The following LNX1 variants were observed in gnomAD, a reference collection of about 807,000 sequenced individuals.
LNX1 encodes the protein E3 ubiquitin-protein ligase LNX.
In LNX1, 54 loss-of-function variants were observed where a neutral mutation model predicts 68.4. The observed-to-expected ratio is 0.79, with a 90% CI of 0.63 to 0.99. The LOEUF (loss-of-function observed/expected upper bound fraction) is 0.99. Among genes scored for constraint, LNX1 ranks in the 50% least tolerant of loss-of-function variants. LNX1 has a pLI of 0.00. For synonymous variants in LNX1, 336 were observed against 350.0 expected (o/e 0.96, Z 0.45); for missense variants, 906 against 926.4 (o/e 0.98, Z 0.29).
intron 9 of LNX1, 53 bp from the exon 10 acceptor site, chr4:53,461,646 G>C: frequency 7.3e-7 from 1 of 1,377,572 alleles, no homozygotes; most frequent in Admixed American, 1.9e-5. Flanking sequence ...ACAGTTAAGG[G>C]AATACTTACT....
At chr4:53,492,667 C>T (rs1300881937) in intron 6 of LNX1, among the ~76,000 whole-genome samples, 1 of 152,060 alleles carries the variant, frequency 6.6e-6, no homozygotes, top group African/African-American at 2.4e-5. Context: ...TCACTCAGAC[C>T]AGGTCAAAAT....
chr4:53,537,863 C>A (rs1728482953), intron 2 of LNX1, among the ~76,000 whole-genome samples: 1 of 152,226 alleles, frequency 6.6e-6, no homozygotes, highest in Non-Finnish European at 1.5e-5. Flanking sequence ...TCTGGTCCAG[C>A]CAGTTTGCTT....
chr4:53,554,869 C>T (rs907632739), intron 2 of LNX1, among the ~76,000 whole-genome samples: 1 of 144,100 alleles, frequency 6.9e-6, no homozygotes, highest in African/African-American at 2.7e-5. Flanking sequence ...AAAAAAAAAT[C>T]CTGCCTTGCC....
At chr4:53,620,802 G>A (rs1236940968), upstream of LNX1, among the ~76,000 whole-genome samples, 1 of 152,114 alleles carries the variant, frequency 6.6e-6, no homozygotes, top group Admixed American at 6.5e-5. Context: ...TTTGATGAGT[G>A]GGTGAATCAG....
At chr4:53,637,965 A>G (rs1363005267) in intron 1 of LNX1, among the ~76,000 whole-genome samples, 1 of 152,216 alleles carries the variant, frequency 6.6e-6, no homozygotes, top group Non-Finnish European at 1.5e-5. Context: ...CCCACTGTGT[A>G]TTCTTGAAAC....
chr4:53,631,784 G>A (rs2109872822), intron 1 of LNX1, among the ~76,000 whole-genome samples: 1 of 152,158 alleles, frequency 6.6e-6, no homozygotes, highest in Middle Eastern at 3.4e-3. Flanking sequence ...AAACCTGGCT[G>A]CAAACAGTCA....
At chr4:53,461,142 C>T (rs1722015272) in intron 10 of LNX1, 100 bp from the exon 11 acceptor site, 1 of 967,546 alleles carries the variant, frequency 1.0e-6, no homozygotes, top group Admixed American at 3.0e-5. Flanking sequence ...TACATCTGAC[C>T]ATTTTAATTA....
At chr4:53,550,602 G>A (rs1473241435) in intron 2 of LNX1, among the ~76,000 whole-genome samples, 1 of 152,216 alleles carries the variant, frequency 6.6e-6, no homozygotes, top group Non-Finnish European at 1.5e-5. Context: ...ATGAAGTGGG[G>A]AGGAAATGGA....
In LNX1 at chr4:53,617,381, C is replaced by T. The variant is rs374178802; in HGVS notation, c.-417G>A. 5.3e-5 allele frequency: 8 copies of T among 152,262 alleles called. No individual in the cohort carries two copies. In the East Asian group the frequency reaches 1.4e-3, roughly 26 times the overall value. The allele number at this position is 152,262 out of a possible 1,614,324, so 9.4% of individuals were successfully genotyped here. On this transcript the variant is annotated 5_prime_UTR_variant, in exon 1 of 4. Coordinates refer to the LNX1 transcript ENST00000504299. Reference sequence around the variant, plus strand: ...AGGCCAGACTAACCTGTGTTAGCAACTAGGATAATATCCAGAAAAGAAAAT... The same window carrying T: ...AGGCCAGACTAACCTGTGTTAGCAATTAGGATAATATCCAGAAAAGAAAAT...
At chr4:53,641,086 C>T (rs2109884626) in intron 1 of LNX1, among the ~76,000 whole-genome samples, 1 of 150,266 alleles carries the variant, frequency 6.7e-6, no homozygotes, top group Admixed American at 6.8e-5. Context: ...TGTGTGTATG[C>T]TTGTGTGTGT....
intron 1 of LNX1, among the ~76,000 whole-genome samples, chr4:53,633,793 G>A (rs1356117343): frequency 1.3e-5 from 2 of 152,164 alleles, no homozygotes; most frequent in African/African-American, 4.8e-5. Context: ...CAGGCACTAA[G>A]ATGAGAGTTT....
At chr4:53,620,197 C>T (rs180951113), upstream of LNX1, among the ~76,000 whole-genome samples, 1 of 152,190 alleles carries the variant, frequency 6.6e-6, no homozygotes, top group East Asian at 1.9e-4. Context: ...ATTTATCTAT[C>T]TACCTATCTA....
At chr4:53,480,760 G>C (rs1723858075) in intron 7 of LNX1, among the ~76,000 whole-genome samples, 1 of 152,068 alleles carries the variant, frequency 6.6e-6, no homozygotes, top group African/African-American at 2.4e-5. Flanking sequence ...TAAAAAATTT[G>C]AATATTGTTT....
At chr4:53,609,888 T>C (rs1392324486) in intron 2 of LNX1, among the ~76,000 whole-genome samples, 1 of 150,116 alleles carries the variant, frequency 6.7e-6, no homozygotes, top group Non-Finnish European at 1.5e-5. Context: ...CTATATAGCA[T>C]ATAATTTTTA....
At chr4:53,620,817 A>G (rs1051183889), upstream of LNX1, among the ~76,000 whole-genome samples, 17 of 152,190 alleles carry the variant, frequency 1.1e-4, no homozygotes, top group African/African-American at 3.6e-4. Flanking sequence ...AATCAGTGTT[A>G]GCTCACAGTG....
chr4:53,575,917 C>G (rs1335933434), intron 1 of LNX1: 1 of 1,572,460 alleles, frequency 6.4e-7, no homozygotes, highest in Admixed American at 1.8e-5. Flanking sequence ...AGAGGCTGTG[C>G]AGTGTCTTGG....
intron 6 of LNX1, among the ~76,000 whole-genome samples, chr4:53,487,500 A>G (rs1724385901): frequency 1.3e-5 from 2 of 152,194 alleles, no homozygotes; most frequent in Admixed American, 1.3e-4. Flanking sequence ...AAGTTAAGAA[A>G]GTTAAGAGTT....
At chr4:53,500,861 C>T (rs1281803941) in intron 4 of LNX1, among the ~76,000 whole-genome samples, 1 of 152,178 alleles carries the variant, frequency 6.6e-6, no homozygotes, top group Non-Finnish European at 1.5e-5. Flanking sequence ...GAAAAAAATT[C>T]ATTCTGAGCA....
At position 53,570,728 on chromosome 4, in the gene LNX1, A is replaced by C. The variant is rs1172794046; in HGVS notation, c.380+2895T>G. Among the ~76,000 whole-genome samples, 3 of 150,270 alleles carry C rather than the reference A, an allele frequency of 2.0e-5. No homozygotes were observed. In the East Asian group the frequency reaches 5.8e-4, roughly 29 times the overall value. On this transcript the variant is annotated intron_variant, in intron 2 of 10. Coordinates refer to ENST00000263925, the MANE Select transcript of LNX1 (RefSeq NM_001126328.3). ...AAATATTTACATCTTGCATATTTTC[A>C]AAAAAAAAGAATCTTTTGGCTGGGC... is the stretch of plus-strand genomic sequence containing the variant.
Sources: gnomAD v4.1 joint callset for allele counts (sites outside exome capture counted in the v4.1 genomes callset) on GRCh38, gnomAD v4.1.1 for gene constraint, MANE v1.5 for transcripts, NCBI Gene and HGNC (gene_info 2026-07-23, HGNC 2026-07-21) for gene names.